ZFYVE9: variants seen among roughly 807,000 people sequenced by gnomAD.
ZFYVE9 encodes the protein zinc finger FYVE domain-containing protein 9.
Under a neutral mutation model 126.7 loss-of-function variants are expected in ZFYVE9, and 43 were observed. That is an observed-to-expected ratio of 0.34 (90% CI 0.27 to 0.44). The LOEUF (loss-of-function observed/expected upper bound fraction) is 0.44. Among genes scored for constraint, ZFYVE9 ranks in the 20% least tolerant of loss-of-function variants. The probability of loss-of-function intolerance (pLI) is 1.00; values close to 1 mark genes in which losing one functional copy is unlikely to be tolerated. For synonymous variants in ZFYVE9, 521 were observed against 597.4 expected (o/e 0.87, Z 1.87); for missense variants, 1,476 against 1,697.0 (o/e 0.87, Z 2.29).
chr1:52,265,352 G>T (rs182344413), intron 5 of ZFYVE9, among the ~76,000 whole-genome samples: 1 of 152,022 alleles, frequency 6.6e-6, no homozygotes, highest in African/African-American at 2.4e-5. Context: ...GCCTTGTCTT[G>T]CAGTTTGGAG....
intron 13 of ZFYVE9, among the ~76,000 whole-genome samples, chr1:52,317,023 C>T (rs971724176): frequency 2.0e-5 from 3 of 152,142 alleles, no homozygotes; most frequent in Admixed American, 6.5e-5. Flanking sequence ...AATAAGAAAC[C>T]AATGCCAGAA....
At position 52,219,749 on chromosome 1, in the gene ZFYVE9, T is replaced by G. The variant is rs111531323; in HGVS notation, c.-37+3275T>G. 2.4e-3 allele frequency among the ~76,000 whole-genome samples: 271 copies of G among 113,348 alleles called. 1 individual carries two copies. The highest frequency in any genetic ancestry group is 3.2e-3 in the Non-Finnish European group (177 of 55,844). 74.4% of individuals were successfully genotyped at this position (113,348 alleles called of 152,430 possible). On this transcript the variant is annotated intron_variant, in intron 2 of 18. Transcript: ENST00000287727. ...ATAGAGCATTTCAGGCCAAGATCTT[T>G]TGTGTGTGTGTGTGTGTGTGTGTGT...
rs1217325624 is a variant in ZFYVE9 at position 52,142,362 on chromosome 1, A to C, written c.-184A>C. 2 of 151,058 alleles carry C rather than the reference A, an allele frequency of 1.3e-5. No homozygotes were observed. Among genetic ancestry groups the C allele is most frequent in the African/African-American group, 2.4e-5 (1 of 41,000 alleles). 9.4% of individuals were successfully genotyped at this position (151,058 alleles called of 1,614,324 possible). Reference sequence around the variant, plus strand: ...GGAGGAGGCTTTCGGCTCAGGGACGACCCCCGTGGCCATGCTGAAGCGGAG... The same window carrying C: ...GGAGGAGGCTTTCGGCTCAGGGACGCCCCCCGTGGCCATGCTGAAGCGGAG... On this transcript the variant is annotated 5_prime_UTR_variant, in exon 1 of 19. Transcript: ENST00000287727. The surrounding 1 kb of genome is among the most constrained non-coding windows in gnomAD (Gnocchi z 4.5).
intron 10 of ZFYVE9, among the ~76,000 whole-genome samples, chr1:52,284,699 G>A (rs1332496668): frequency 1.3e-5 from 2 of 152,096 alleles, no homozygotes; most frequent in Non-Finnish European, 2.9e-5. Context: ...GATTACAGGC[G>A]TGAGCCACCG....
In ZFYVE9 at chr1:52,219,804, G is replaced by GTGTGTGTGTGTGTGTGT. The variant is rs1553126056; in HGVS notation, c.-37+3330_-37+3331insTGTGTGTGTGTGTGTGT. The stretch of plus-strand genomic sequence containing the variant: ...GTGTGTGTGTGTGTGTGTGTGTGTG[G>GTGTGTGTGTGTGTGTGT]CAGAGTCTTACTCTGTCGCCCGGGC... On this transcript the variant is annotated intron_variant, in intron 2 of 18. Transcript: ENST00000287727. Among the ~76,000 whole-genome samples the GTGTGTGTGTGTGTGTGT allele has an allele frequency of 3.4e-5, 3 of 88,086 alleles. No homozygotes were observed. The Admixed American group carries it at 3.6e-4, about 11-fold the overall frequency. 57.8% of individuals were successfully genotyped at this position (88,086 alleles called of 152,430 possible).
At chr1:52,225,277 C>T (rs1645159537) in intron 2 of ZFYVE9, among the ~76,000 whole-genome samples, 1 of 152,166 alleles carries the variant, frequency 6.6e-6, no homozygotes, top group Non-Finnish European at 1.5e-5. Flanking sequence ...ACTCCTGGGG[C>T]CACCACAACG....
intron 9 of ZFYVE9, among the ~76,000 whole-genome samples, chr1:52,279,057 C>T (rs76314897): frequency 0.011 from 1,621 of 152,088 alleles, 23 homozygotes; most frequent in African/African-American, 0.036. Context: ...TCTTACTGAA[C>T]ACTGAGTTCT....
intron 1 of ZFYVE9, among the ~76,000 whole-genome samples, chr1:52,192,078 A>G (rs901137617): frequency 6.6e-6 from 1 of 151,786 alleles, no homozygotes; most frequent in African/African-American, 2.4e-5. Flanking sequence ...TGAATTTAAG[A>G]GGAAGATACC....
intron 1 of ZFYVE9, among the ~76,000 whole-genome samples, chr1:52,159,916 C>T (rs554028800): frequency 2.6e-5 from 4 of 152,142 alleles, no homozygotes; most frequent in Admixed American, 1.3e-4. Flanking sequence ...CTGCCTCAGC[C>T]TCCTGAGTAG....
intron 13 of ZFYVE9, among the ~76,000 whole-genome samples, chr1:52,306,190 C>T (rs568045338): frequency 1.1e-4 from 16 of 152,258 alleles, no homozygotes; most frequent in Non-Finnish European, 1.9e-4. Context: ...ATGCACCAGT[C>T]GGTGCATGCT....
At chr1:52,301,291 CTTTTTTTTTTT>C (rs527599525) in intron 12 of ZFYVE9, among the ~76,000 whole-genome samples, 30 of 72,640 alleles carry the variant, frequency 4.1e-4, no homozygotes, top group East Asian at 1.2e-3. Flanking sequence ...CTTTTTCCAT[CTTTTTTTTTTT>C]TTTTTTTTTT....
intron 2 of ZFYVE9, among the ~76,000 whole-genome samples, chr1:52,224,417 G>A (rs148999613): frequency 6.6e-6 from 1 of 152,154 alleles, no homozygotes; most frequent in Non-Finnish European, 1.5e-5. Context: ...TTTGACTTAG[G>A]TAGGTCGTCT....
intron 4 of ZFYVE9, among the ~76,000 whole-genome samples, chr1:52,250,688 T>C (rs996152251): frequency 6.6e-6 from 1 of 152,128 alleles, no homozygotes. Context: ...GTCTTGTTTC[T>C]ATCTTAAAGC....
chr1:52,256,564 G>A (rs753952942), intron 4 of ZFYVE9, among the ~76,000 whole-genome samples: 1 of 152,168 alleles, frequency 6.6e-6, no homozygotes, highest in African/African-American at 2.4e-5. Context: ...TTTTAGTAGA[G>A]ATGGGGTTTC....
At chr1:52,279,884 G>T (rs537234998) in intron 9 of ZFYVE9, among the ~76,000 whole-genome samples, 1 of 152,242 alleles carries the variant, frequency 6.6e-6, no homozygotes, top group East Asian at 1.9e-4. Context: ...TACTTAAGTT[G>T]ATTTTGGAAA....
intron 12 of ZFYVE9, among the ~76,000 whole-genome samples, chr1:52,303,568 G>A (rs1646055158): frequency 6.6e-6 from 1 of 152,066 alleles, no homozygotes; most frequent in Admixed American, 6.6e-5. Flanking sequence ...GGTAAAGCAG[G>A]GTAGACATTC....
At chr1:52,157,484 T>G (rs1262600744) in intron 1 of ZFYVE9, among the ~76,000 whole-genome samples, 1 of 121,822 alleles carries the variant, frequency 8.2e-6, no homozygotes, top group Non-Finnish European at 1.6e-5. Context: ...CACTGCAACC[T>G]CCACCTCCCC....
At chr1:52,268,890 G>A (rs575903093) in intron 7 of ZFYVE9, among the ~76,000 whole-genome samples, 36 of 152,244 alleles carry the variant, frequency 2.4e-4, no homozygotes, top group Admixed American at 2.0e-3. Context: ...GCTAGCAGTC[G>A]GGCTGTGGGG....
At chr1:52,247,520 G>A (rs191576246) in intron 4 of ZFYVE9, among the ~76,000 whole-genome samples, 32 of 151,366 alleles carry the variant, frequency 2.1e-4, no homozygotes, top group Non-Finnish European at 4.0e-4. Context: ...TTTTTGAGAC[G>A]GAGTCTCGCT....
Sources: gnomAD v4.1 joint callset for allele counts (sites outside exome capture counted in the v4.1 genomes callset) on GRCh38, gnomAD v4.1.1 for gene constraint, Gnocchi (gnomAD v3.1) non-coding constraint, MANE v1.5 for transcripts, NCBI Gene and HGNC (gene_info 2026-07-23, HGNC 2026-07-21) for gene names.